The following ENPP3 variants were observed in gnomAD, a reference collection of about 807,000 sequenced individuals.
The protein encoded by ENPP3 is ectonucleotide pyrophosphatase/phosphodiesterase family member 3.
ENPP3 carries 104 observed loss-of-function variants against 117.8 expected under a neutral mutation model. That is an observed-to-expected ratio of 0.88 (90% CI 0.75 to 1.04). The LOEUF is 1.04. Ranked by LOEUF, ENPP3 falls within the 50% of genes least tolerant of loss-of-function variation. The pLI is 0.00. For missense variants in ENPP3, 1,026 were observed against 1,051.9 expected (o/e 0.98, Z 0.34); for synonymous variants, 380 against 349.9 (o/e 1.09, Z -0.96).
chr6:131,699,076 T>C (rs200744994), intron 15 of ENPP3, among the ~76,000 whole-genome samples: 5,992 of 137,336 alleles, frequency 0.044, 16 homozygotes, highest in East Asian at 0.2. Flanking sequence ...ACAAACCCTG[T>C]CTCTACTGAA....
At chr6:131,731,658 C>T (rs7745372) in intron 20 of ENPP3, among the ~76,000 whole-genome samples, 30,180 of 151,962 alleles carry the variant, frequency 0.2, 4,985 homozygotes, top group African/African-American at 0.43. Context: ...CAGCCTTATG[C>T]GAACTCCTGT....
intron 14 of ENPP3, among the ~76,000 whole-genome samples, chr6:131,692,538 C>T (rs903990185): frequency 1.3e-5 from 2 of 150,784 alleles, no homozygotes; most frequent in African/African-American, 4.8e-5. Context: ...AATTTTTTTA[C>T]TCATATCTAC....
rs36094194 is a variant in ENPP3, at chr6:131,738,093, A to T, written c.2230A>T (p.Asn744Tyr). 6.2e-7 allele frequency: 1 copy of T among 1,606,050 alleles called. No homozygotes were observed. Among genetic ancestry groups the T allele is most frequent in the Non-Finnish European group, 8.5e-7 (1 of 1,173,606 alleles). Residue 744 changes from asparagine (N) to tyrosine (Y), a missense_variant, in exon 23 of 25, where the codon AAT (asparagine) becomes TAT (tyrosine). By Grantham distance (143) the Asn-to-Tyr change is moderately radical. Transcript: ENST00000357639. ...ACATGCCACAGAAAGAAATGGAGTA[A>T]ATGTGGTTAGTGGACCAATATTTGA... Reference protein sequence around the residue: ...IKHATERNGVNVVSGPIFDYN... With the variant: ...IKHATERNGVYVVSGPIFDYN...
chr6:131,647,832 A>G (rs1778181701), intron 2 of ENPP3, among the ~76,000 whole-genome samples: 1 of 152,128 alleles, frequency 6.6e-6, no homozygotes, highest in South Asian at 2.1e-4. Flanking sequence ...TAATCTCATT[A>G]TTTATTTAAA....
chr6:131,688,153 A>G (rs1312847384), intron 14 of ENPP3, among the ~76,000 whole-genome samples: 1 of 152,100 alleles, frequency 6.6e-6, no homozygotes, highest in Non-Finnish European at 1.5e-5. Context: ...TGATGTTACT[A>G]TTGTAATTGT....
intron 19 of ENPP3, among the ~76,000 whole-genome samples, chr6:131,724,930 A>C (rs983607925): frequency 1.3e-5 from 2 of 152,066 alleles, no homozygotes; most frequent in African/African-American, 4.8e-5. Flanking sequence ...AAAAAACAGC[A>C]GGGCATGGTG....
At chr6:131,669,655 CAAAAAAAAA>C (rs67597128) in intron 6 of ENPP3, among the ~76,000 whole-genome samples, 2 of 61,712 alleles carry the variant, frequency 3.2e-5, no homozygotes, top group African/African-American at 1.3e-4. Context: ...GACTCCATCT[CAAAAAAAAA>C]AAAAAAAAAA....
intron 2 of ENPP3, among the ~76,000 whole-genome samples, chr6:131,648,859 A>G (rs1280874150): frequency 6.6e-6 from 1 of 152,186 alleles, no homozygotes; most frequent in Non-Finnish European, 1.5e-5. Context: ...CAGAATTCCC[A>G]TTGCTTCTTA....
At chr6:131,719,436 GA>G (rs919822672) in intron 16 of ENPP3, among the ~76,000 whole-genome samples, 5 of 136,548 alleles carry the variant, frequency 3.7e-5, no homozygotes, top group East Asian at 2.2e-4. Context: ...TTTCCAAATA[GA>G]AAAAAAAATG....
At position 131,733,703 on chromosome 6, in the gene ENPP3, ACGGCTTC is replaced by A. The variant is rs1380985306; in HGVS notation, c.2071_2077del (p.Gly691SerfsTer17). ...TATTTAGCAGACAAGAATATCACCC[ACGGCTTC>A]CTCTATCCTCCTGGTTAGTAGAACT... On this transcript the variant is annotated frameshift_variant, in exon 21 of 25. Coordinates refer to ENST00000357639, the MANE Select transcript of ENPP3 (RefSeq NM_005021.5). LOFTEE classifies it high-confidence loss of function. The A allele has an allele frequency of 6.2e-7, 1 of 1,613,958 alleles. No individual in the cohort carries two copies. Among genetic ancestry groups the A allele is most frequent in the African/African-American group, 1.3e-5 (1 of 74,918 alleles).
chr6:131,730,448 T>G (rs73554736), intron 20 of ENPP3, among the ~76,000 whole-genome samples: 3,024 of 152,298 alleles, frequency 0.02, 103 homozygotes, highest in African/African-American at 0.07. Context: ...GTCTTCGTAT[T>G]TCTTGGTTTA....
At chr6:131,690,876 G>A (rs78309636) in intron 14 of ENPP3, among the ~76,000 whole-genome samples, 3,268 of 152,036 alleles carry the variant, frequency 0.021, 51 homozygotes, top group South Asian at 0.032. Flanking sequence ...CATGCTGAGT[G>A]GATGCATAGT....
intron 1 of ENPP3, among the ~76,000 whole-genome samples, chr6:131,639,068 T>C (rs1777986346): frequency 6.6e-6 from 1 of 151,990 alleles, no homozygotes. Flanking sequence ...TATCCCATAT[T>C]TTAAGGTCAC....
At chr6:131,641,090 A>G (rs893670334) in intron 1 of ENPP3, among the ~76,000 whole-genome samples, 2 of 152,192 alleles carry the variant, frequency 1.3e-5, no homozygotes, top group Non-Finnish European at 2.9e-5. Context: ...TTTTCAATAA[A>G]TGATCACAAA....
In ENPP3 at chr6:131,747,018, G is replaced by T; in HGVS notation, c.*62G>T. ...AAAGTAATTTTGGCAAAATATAAGT[G>T]ATTTTTTTCTGGAGAATTGTAAAAT... On this transcript the variant is annotated 3_prime_UTR_variant, in exon 25 of 25. Transcript: ENST00000357639. The T allele has an allele frequency of 1.2e-6, 1 of 858,244 alleles. No homozygotes were observed. Among genetic ancestry groups the T allele is most frequent in the South Asian group, 3.0e-5 (1 of 32,886 alleles). The allele number at this position is 858,244 out of a possible 1,614,324, so 53.2% of individuals were successfully genotyped here.
intron 5 of ENPP3, among the ~76,000 whole-genome samples, chr6:131,654,210 T>G (rs1778331403): frequency 6.6e-6 from 1 of 151,898 alleles, no homozygotes; most frequent in African/African-American, 2.4e-5. Context: ...CATAGCTCAC[T>G]GCAGCCTCAA....
chr6:131,721,275 C>T (rs1236760393), intron 17 of ENPP3, among the ~76,000 whole-genome samples: 1 of 152,206 alleles, frequency 6.6e-6, no homozygotes, highest in East Asian at 1.9e-4. Flanking sequence ...CATAAACATG[C>T]TTACAACTCT....
intron 7 of ENPP3, among the ~76,000 whole-genome samples, chr6:131,672,221 T>G (rs1778759557): frequency 6.6e-6 from 1 of 152,208 alleles, no homozygotes; most frequent in South Asian, 2.1e-4. Flanking sequence ...CATTCTGCTT[T>G]CTTGTTTTAG....
At chr6:131,666,306 C>T (rs1778615387) in intron 6 of ENPP3, among the ~76,000 whole-genome samples, 1 of 151,822 alleles carries the variant, frequency 6.6e-6, no homozygotes, top group African/African-American at 2.4e-5. Context: ...TGACTTTTGA[C>T]ATTTGATTAT....
Sources: allele counts gnomAD v4.1 joint callset (sites outside exome capture counted in the v4.1 genomes callset), GRCh38; gene constraint gnomAD v4.1.1; transcripts MANE v1.5; gene names NCBI Gene and HGNC (gene_info 2026-07-23, HGNC 2026-07-21).